The following EXTL3 variants were observed in gnomAD, a reference collection of about 807,000 sequenced individuals.
EXTL3 encodes the protein exostosin-like 3.
In EXTL3, 27 loss-of-function variants were observed where a neutral mutation model predicts 69.3. The ratio of observed to expected loss-of-function variants is 0.39; its 90% CI spans 0.29 to 0.54. The LOEUF (loss-of-function observed/expected upper bound fraction) is 0.54. Among genes scored for constraint, EXTL3 ranks in the 20% least tolerant of loss-of-function variants. EXTL3 has a pLI of 0.69. For synonymous variants in EXTL3, 511 were observed against 499.4 expected (o/e 1.02, Z -0.31); for missense variants, 1,003 against 1,231.8 (o/e 0.81, Z 2.78).
chr8:28,658,206 G>A (rs565304134), intron 1 of EXTL3, among the ~76,000 whole-genome samples: 5 of 152,120 alleles, frequency 3.3e-5, no homozygotes, highest in Non-Finnish European at 5.9e-5. Context: ...CGGTGGGTGG[G>A]GGGGGTCCCT....
intron 1 of EXTL3, among the ~76,000 whole-genome samples, chr8:28,643,373 C>T (rs899851401): frequency 1.3e-5 from 2 of 151,944 alleles, no homozygotes; most frequent in Non-Finnish European, 2.9e-5. Context: ...AAGTAACCAC[C>T]GTCCTGAATT....
At chr8:28,633,507 G>A (rs973547990) in intron 1 of EXTL3, among the ~76,000 whole-genome samples, 8 of 151,816 alleles carry the variant, frequency 5.3e-5, no homozygotes, top group East Asian at 3.9e-4. Flanking sequence ...GGTGTTGGGC[G>A]CCTGTAGTCC....
intron 1 of EXTL3, among the ~76,000 whole-genome samples, chr8:28,682,983 T>G (rs947033521): frequency 6.6e-6 from 1 of 152,220 alleles, no homozygotes; most frequent in Non-Finnish European, 1.5e-5. Flanking sequence ...AATGTGGATA[T>G]CCAGTTTTCC....
chr8:28,651,999 A>G (rs1455841410), intron 1 of EXTL3, among the ~76,000 whole-genome samples: 1 of 151,570 alleles, frequency 6.6e-6, no homozygotes, highest in Non-Finnish European at 1.5e-5. Context: ...ATCAGAGCTT[A>G]ATTTTGACGG....
chr8:28,688,954 T>A (rs1299925445), intron 1 of EXTL3, among the ~76,000 whole-genome samples: 4 of 152,368 alleles, frequency 2.6e-5, no homozygotes, highest in African/African-American at 7.2e-5. Flanking sequence ...TTCTGAGATT[T>A]AAGTAACATT....
intron 1 of EXTL3, among the ~76,000 whole-genome samples, chr8:28,712,111 G>A (rs1801042391): frequency 6.6e-6 from 1 of 152,118 alleles, no homozygotes; most frequent in South Asian, 2.1e-4. Flanking sequence ...GGTAAGAAAG[G>A]CAACTTTAAA....
intron 2 of EXTL3, among the ~76,000 whole-genome samples, chr8:28,617,566 T>C (rs1806345380): frequency 1.3e-5 from 2 of 152,142 alleles, no homozygotes; most frequent in Non-Finnish European, 2.9e-5. Flanking sequence ...GGATTGCTGG[T>C]GGAGCCCAGG....
At chr8:28,662,837 G>A (rs1182426720) in intron 1 of EXTL3, among the ~76,000 whole-genome samples, 1 of 152,176 alleles carries the variant, frequency 6.6e-6, no homozygotes, top group African/African-American at 2.4e-5. Context: ...TTGAACCCAG[G>A]AGGTCCAGGC....
At chr8:28,663,307 G>T (rs975865663) in intron 1 of EXTL3, among the ~76,000 whole-genome samples, 1 of 152,190 alleles carries the variant, frequency 6.6e-6, no homozygotes, top group African/African-American at 2.4e-5. Flanking sequence ...GGCTACTGGG[G>T]AAAGTAAGAC....
Position 28,722,178 on chromosome 8 carries a change from C to T in EXTL3, c.2148+3971C>T, listed in dbSNP as rs149991474. Among the ~76,000 whole-genome samples, 219 of 152,154 alleles carry T rather than the reference C, an allele frequency of 1.4e-3. 1 individual carries two copies. Among genetic ancestry groups the T allele is most frequent in the African/African-American group, 5.1e-3 (212 of 41,516 alleles). On this transcript the variant is annotated intron_variant, in intron 3 of 6. Coordinates refer to ENST00000220562, the MANE Select transcript of EXTL3 (RefSeq NM_001440.4). ...AGCGATGCCCAGTGCATCCGGGTGG[C>T]GCGTTTGAAGGAGGTTGGAGAAGGC...
chr8:28,619,267 A>T (rs1357686825), upstream of EXTL3, among the ~76,000 whole-genome samples: 121 of 5,476 alleles, frequency 0.022, 2 homozygotes, highest in African/African-American at 0.099. Context: ...GCTTAGTGAT[A>T]AAAAAAAAAA....
intron 1 of EXTL3, among the ~76,000 whole-genome samples, chr8:28,645,099 A>G (rs1465454067): frequency 2.0e-5 from 3 of 152,190 alleles, no homozygotes; most frequent in Admixed American, 2.0e-4. Context: ...TGAGAAAGGG[A>G]ATAATAGAAG....
At chr8:28,659,358 C>T (rs2130618210) in intron 1 of EXTL3, among the ~76,000 whole-genome samples, 1 of 152,058 alleles carries the variant, frequency 6.6e-6, no homozygotes, top group Non-Finnish European at 1.5e-5. Flanking sequence ...TAATATAATA[C>T]TGCACCCTAG....
At chr8:28,684,837 G>T (rs1807549982) in intron 1 of EXTL3, among the ~76,000 whole-genome samples, 1 of 133,982 alleles carries the variant, frequency 7.5e-6, no homozygotes. Flanking sequence ...TTTATCAATT[G>T]TTAAAATTTT....
intron 1 of EXTL3, among the ~76,000 whole-genome samples, chr8:28,668,528 G>T (rs1345038920): frequency 1.3e-5 from 2 of 151,706 alleles, no homozygotes; most frequent in African/African-American, 2.4e-5. Context: ...GTAGAGACGG[G>T]GTTTCCCCAT....
In EXTL3 at chr8:28,754,603, G is replaced by A. The variant is rs1291234287; in HGVS notation, c.*3737G>A. ...CCAGAGAGACTTGAGAAGGTGGCAT[G>A]AGGCTGTAGAAAATGTGTCTTCCTA... is the stretch of plus-strand genomic sequence containing the variant. On this transcript the variant is annotated 3_prime_UTR_variant, in exon 7 of 7. Transcript: ENST00000220562. 4 of 152,272 alleles carry A rather than the reference G, an allele frequency of 2.6e-5. No homozygotes were observed. The highest frequency in any genetic ancestry group is 5.9e-5 in the Non-Finnish European group (4 of 68,082). The allele number at this position is 152,272 out of a possible 1,614,324, so 9.4% of individuals were successfully genotyped here. A position where few individuals can be genotyped will look rare whatever the true frequency, so the allele number is the denominator to read the frequency against.
upstream of EXTL3, among the ~76,000 whole-genome samples, chr8:28,698,658 G>T (rs1247695798): frequency 1.3e-5 from 2 of 152,150 alleles, no homozygotes; most frequent in African/African-American, 2.4e-5. Flanking sequence ...GACCAGCCTG[G>T]TCAACATGGT....
chr8:28,627,439 G>T (rs943963797), intron 1 of EXTL3, among the ~76,000 whole-genome samples: 4 of 150,642 alleles, frequency 2.7e-5, no homozygotes, highest in African/African-American at 9.8e-5. Context: ...AGAGGCTGCA[G>T]TGAGCTGTGA....
At chr8:28,703,028 A>G (rs1250621644) in intron 1 of EXTL3, among the ~76,000 whole-genome samples, 1 of 152,218 alleles carries the variant, frequency 6.6e-6, no homozygotes, top group Non-Finnish European at 1.5e-5. Context: ...ATATTTTGTG[A>G]TGAAAGAAAA....
Sources: allele counts gnomAD v4.1 joint callset (sites outside exome capture counted in the v4.1 genomes callset), GRCh38; gene constraint gnomAD v4.1.1; transcripts MANE v1.5; gene names NCBI Gene and HGNC (gene_info 2026-07-23, HGNC 2026-07-21).